The following MIGA1 variants were observed in gnomAD, a reference collection of about 807,000 sequenced individuals.
MIGA1 encodes mitoguardin 1, also known as family with sequence similarity 73, member A.
In MIGA1, 58 loss-of-function variants were observed where a neutral mutation model predicts 82.0. The ratio of observed to expected loss-of-function variants is 0.71; its 90% CI spans 0.57 to 0.88. The LOEUF (loss-of-function observed/expected upper bound fraction) is 0.88, where lower values mean the gene tolerates loss of function less well. Ranked by LOEUF, MIGA1 falls within the 40% of genes least tolerant of loss-of-function variation. The probability of loss-of-function intolerance (pLI) is 0.00; values close to 1 mark genes in which losing one functional copy is unlikely to be tolerated. For missense variants in MIGA1, 751 were observed against 749.1 expected, an observed-to-expected ratio of 1.00 and a Z score of -0.03; for synonymous variants, 249 against 253.6, an observed-to-expected ratio of 0.98 and a Z score of 0.17.
chr1:77,781,372 A>C (rs918354468), intron 1 of MIGA1, among the ~76,000 whole-genome samples: 1 of 152,214 alleles, frequency 6.6e-6, no homozygotes, highest in Non-Finnish European at 1.5e-5. Flanking sequence ...AGATTGCTTA[A>C]TGATCCAGAA....
rs1387494216 is a variant in MIGA1, at chr1:77,876,485, T to C, written c.*1421T>C. On this transcript the variant is annotated 3_prime_UTR_variant, in exon 16 of 16. Coordinates refer to ENST00000370791, the MANE Select transcript of MIGA1 (RefSeq NM_198549.4). ...AGAGCATTTTCCCCTGGAATGAGTA[T>C]TGATTAAAAAGATAACATTTATTAA... The C allele has an allele frequency of 6.6e-6, 1 of 152,226 alleles. No individual in the cohort carries two copies. Among genetic ancestry groups the C allele is most frequent in the African/African-American group, 2.4e-5 (1 of 41,468 alleles). 9.4% of individuals were successfully genotyped at this position (152,226 alleles called of 1,614,324 possible).
In MIGA1 at chr1:77,838,839, T is replaced by A. The variant is rs185158155; in HGVS notation, c.896-4468T>A. ...CATGAGTGAATTTAATAATAGTTTT[T>A]CATTATGAATGAATTCTGCATGTAA... On this transcript the variant is annotated intron_variant, in intron 7 of 15. Transcript: ENST00000370791. 1.7e-3 allele frequency among the ~76,000 whole-genome samples: 266 copies of A among 152,356 alleles called. 1 individual carries two copies. Among genetic ancestry groups the A allele is most frequent in the African/African-American group, 6.3e-3 (261 of 41,576 alleles).
intron 5 of MIGA1, among the ~76,000 whole-genome samples, chr1:77,812,372 G>A (rs1683374827): frequency 6.6e-6 from 1 of 151,804 alleles, no homozygotes; most frequent in Admixed American, 6.6e-5. Context: ...GGGAGGCTGA[G>A]GTAGGAGGTT....
chr1:77,789,314 T>C (rs546729537), intron 2 of MIGA1, among the ~76,000 whole-genome samples: 1 of 150,928 alleles, frequency 6.6e-6, no homozygotes, highest in African/African-American at 2.4e-5. Flanking sequence ...GCTCAGGTGA[T>C]CCTTCCACCT....
chr1:77,815,992 G>A (rs1245986947), intron 7 of MIGA1, among the ~76,000 whole-genome samples: 1 of 152,108 alleles, frequency 6.6e-6, no homozygotes, highest in Non-Finnish European at 1.5e-5. Flanking sequence ...CACCCAGGCT[G>A]GGGTGCAGTG....
intron 2 of MIGA1, among the ~76,000 whole-genome samples, chr1:77,796,377 C>G (rs1682655379): frequency 6.6e-6 from 1 of 152,064 alleles, no homozygotes; most frequent in African/African-American, 2.4e-5. Context: ...CTTGGCCTCC[C>G]AAAGTACTGG....
At chr1:77,814,639 A>G (rs913057863) in intron 6 of MIGA1, among the ~76,000 whole-genome samples, 1 of 152,258 alleles carries the variant, frequency 6.6e-6, no homozygotes, top group African/African-American at 2.4e-5. Flanking sequence ...ATAAAGGTGT[A>G]GAGCTAGACT....
At chr1:77,869,788 C>A (rs1685851439) in intron 14 of MIGA1, among the ~76,000 whole-genome samples, 2 of 98,814 alleles carry the variant, frequency 2.0e-5, no homozygotes, top group African/African-American at 8.5e-5. Flanking sequence ...GGCAGAGGGG[C>A]TCCTCACTTC....
rs2101998846 is a variant in MIGA1 at position 77,878,527 on chromosome 1, C to T, written c.*3463C>T. On this transcript the variant is annotated 3_prime_UTR_variant, in exon 16 of 16. Transcript: ENST00000370791. ...CCTTTTAGGGTAAACCCTGTTTAAACACTTAATCATGGAATTGCCCTTGCC... is the reference window on the plus strand; with the variant it reads ...CCTTTTAGGGTAAACCCTGTTTAAATACTTAATCATGGAATTGCCCTTGCC... The T allele has an allele frequency of 4.7e-6, 1 of 214,144 alleles. No individual in the cohort carries two copies. The highest frequency in any genetic ancestry group is 9.1e-5 in the East Asian group (1 of 11,012). The allele number at this position is 214,144 out of a possible 1,614,324, so 13.3% of individuals were successfully genotyped here. A position where few individuals can be genotyped will look rare whatever the true frequency, so the allele number is the denominator to read the frequency against.
At chr1:77,783,400 G>C in intron 2 of MIGA1, 49 bp downstream of exon 2, 1 of 1,088,318 alleles carries the variant, frequency 9.2e-7, no homozygotes, top group Non-Finnish European at 1.3e-6. Flanking sequence ...TTATTGCTCA[G>C]AGCATATTTT....
chr1:77,808,244 A>C (rs1413677596), intron 5 of MIGA1, among the ~76,000 whole-genome samples: 1 of 150,092 alleles, frequency 6.7e-6, no homozygotes, highest in Non-Finnish European at 1.5e-5. Context: ...TTTTGATTAG[A>C]TTTAGGGCCC....
chr1:77,807,455 C>A (rs865908328), intron 5 of MIGA1, among the ~76,000 whole-genome samples: 4 of 152,126 alleles, frequency 2.6e-5, no homozygotes, highest in African/African-American at 9.7e-5. Context: ...TGAGCCACCA[C>A]GGTTGGTGGT....
At position 77,875,966 on chromosome 1, in the gene MIGA1, C is replaced by G. The variant is rs570653579; in HGVS notation, c.*902C>G. On this transcript the variant is annotated 3_prime_UTR_variant, in exon 16 of 16. Coordinates refer to ENST00000370791, the MANE Select transcript of MIGA1 (RefSeq NM_198549.4). ...TCCCCAATATGGTGAAACCCCGTCT[C>G]TACTAAAAATACAAAAATTAGCCAG... 1 of 152,346 alleles carries G rather than the reference C, an allele frequency of 6.6e-6. No homozygotes were observed. The highest frequency in any genetic ancestry group is 2.1e-4 in the South Asian group (1 of 4,828). The allele number at this position is 152,346 out of a possible 1,614,324, so 9.4% of individuals were successfully genotyped here.
chr1:77,847,081 G>GCCAC (rs1436461987), intron 8 of MIGA1: 1 of 783,808 alleles, frequency 1.3e-6, no homozygotes, highest in Non-Finnish European at 2.3e-6. Context: ...CAACAGTAGG[G>GCCAC]CCACGTTCAG....
intron 8 of MIGA1, among the ~76,000 whole-genome samples, chr1:77,850,330 A>G (rs202163823): frequency 6.6e-6 from 1 of 152,328 alleles, no homozygotes; most frequent in East Asian, 1.9e-4. Flanking sequence ...GGTTAGCCCT[A>G]TTCAATGTGG....
intron 7 of MIGA1, among the ~76,000 whole-genome samples, chr1:77,832,241 G>A (rs1308321407): frequency 1.3e-5 from 2 of 152,174 alleles, no homozygotes; most frequent in Non-Finnish European, 2.9e-5. Flanking sequence ...TCAGATAAGT[G>A]TTTAGGCATC....
At chr1:77,786,651 T>C (rs1331530076) in intron 2 of MIGA1, among the ~76,000 whole-genome samples, 2 of 152,254 alleles carry the variant, frequency 1.3e-5, no homozygotes, top group African/African-American at 4.8e-5. Flanking sequence ...TGCTAAAATA[T>C]AGTAAGAGTC....
At chr1:77,847,071 C>T in intron 8 of MIGA1, 1 of 768,526 alleles carries the variant, frequency 1.3e-6, no homozygotes, top group South Asian at 1.4e-5. Flanking sequence ...GAAACTACAC[C>T]AACAGTAGGG....
chr1:77,873,118 A>G lies in MIGA1; in HGVS notation c.1678A>G (p.Lys560Glu), dbSNP rs781709881. ...TCTGTATGATTTATGTTGCTTTTTT[A>G]AGGTATGTTCAGTCATTGAATCATT... Residue 560 changes from lysine to glutamate, a missense_variant and splice_region_variant, in exon 15 of 16, where the codon AAG (lysine) becomes GAG (glutamate). Physicochemically the swap from Lys to Glu is moderately conservative, Grantham distance 56. Transcript: ENST00000370791. The G allele has an allele frequency of 6.2e-7, 1 of 1,612,280 alleles. No individual in the cohort carries two copies. Among genetic ancestry groups the G allele is most frequent in the African/African-American group, 1.3e-5 (1 of 74,876 alleles).
Sources: allele counts gnomAD v4.1 joint callset (sites outside exome capture counted in the v4.1 genomes callset), GRCh38; gene constraint gnomAD v4.1.1; transcripts MANE v1.5; gene names NCBI Gene and HGNC (gene_info 2026-07-23, HGNC 2026-07-21).